RGS6: variants seen among roughly 807,000 people sequenced by gnomAD.
The protein encoded by RGS6 is regulator of G protein signaling 6, also known as regulator of G-protein signaling 6.
Under a neutral mutation model 78.5 loss-of-function variants are expected in RGS6, and 30 were observed. That is an observed-to-expected ratio of 0.38 (90% CI 0.29 to 0.52). RGS6 has a LOEUF of 0.52. Among genes scored for constraint, RGS6 ranks in the 20% least tolerant of loss-of-function variants. RGS6 has a pLI of 0.85. For synonymous variants in RGS6, 206 were observed against 206.0 expected, an observed-to-expected ratio of 1.00 and a Z score of 0.00; for missense variants, 495 against 609.7, an observed-to-expected ratio of 0.81 and a Z score of 1.98.
At position 72,235,011 on chromosome 14, in the gene RGS6, A is replaced by T. The variant is rs143691724; in HGVS notation, c.85-117084A>T. On this transcript the variant is annotated intron_variant, in intron 2 of 17. Coordinates refer to ENST00000553525, the MANE Select transcript of RGS6 (RefSeq NM_001204424.2). The stretch of plus-strand genomic sequence containing the variant: ...CTCGTTTTACAATTGAGTCAACTAG[A>T]TGGCATGGCTTTTTTTCCTAGCTCC... Among the ~76,000 whole-genome samples, 567 of 152,274 alleles carry T rather than the reference A, an allele frequency of 3.7e-3. 5 individuals carry two copies. The highest frequency in any genetic ancestry group is 0.013 in the African/African-American group (537 of 41,554).
At chr14:72,314,588 T>G (rs1438467696) in intron 2 of RGS6, among the ~76,000 whole-genome samples, 4 of 152,162 alleles carry the variant, frequency 2.6e-5, no homozygotes, top group Non-Finnish European at 4.4e-5. Flanking sequence ...GTATATACTT[T>G]ATAGTGACAA....
At chr14:72,295,270 G>A (rs1293730883) in intron 2 of RGS6, among the ~76,000 whole-genome samples, 5 of 146,134 alleles carry the variant, frequency 3.4e-5, no homozygotes, top group African/African-American at 7.7e-5. Flanking sequence ...CAGCCTGGGC[G>A]ACAGAGCGAG....
chr14:71,882,160 C>T, the RGS6 span, among the ~76,000 whole-genome samples: 1 of 152,150 alleles, frequency 6.6e-6, no homozygotes, highest in African/African-American at 2.4e-5. Flanking sequence ...ATGAATTCAC[C>T]TATTCTAGCT....
At chr14:72,403,059 A>G (rs372686584) in intron 3 of RGS6, among the ~76,000 whole-genome samples, 39 of 152,106 alleles carry the variant, frequency 2.6e-4, no homozygotes, top group African/African-American at 8.9e-4. Context: ...CCAAAGTGCT[A>G]GGATTACAGA....
At chr14:72,118,145 C>T (rs1015969679) in intron 2 of RGS6, among the ~76,000 whole-genome samples, 5 of 151,174 alleles carry the variant, frequency 3.3e-5, no homozygotes, top group African/African-American at 1.2e-4. Context: ...TGGGCCCCAC[C>T]CTCACTGCCA....
chr14:72,193,541 G>A (rs2039255683), intron 2 of RGS6, among the ~76,000 whole-genome samples: 1 of 152,052 alleles, frequency 6.6e-6, no homozygotes, highest in Admixed American at 6.5e-5. Context: ...ACAGCTCACA[G>A]ATCCCTGCCC....
chr14:72,622,832 C>G, the RGS6 span, among the ~76,000 whole-genome samples: 4 of 152,092 alleles, frequency 2.6e-5, no homozygotes, highest in Non-Finnish European at 5.9e-5. Context: ...GAGAGGAATC[C>G]TAGTGCCCCA....
At chr14:72,480,194 T>A (rs1250602105) in intron 12 of RGS6, among the ~76,000 whole-genome samples, 1 of 152,190 alleles carries the variant, frequency 6.6e-6, no homozygotes, top group Non-Finnish European at 1.5e-5. Context: ...GGTGAAGCCA[T>A]TGCCTGCTAC....
intron 2 of RGS6, among the ~76,000 whole-genome samples, chr14:71,987,865 GAATA>G (rs1180138156): frequency 1.3e-5 from 2 of 152,108 alleles, no homozygotes; most frequent in African/African-American, 4.8e-5. Flanking sequence ...ACAATACAGT[GAATA>G]AATAACCTTC....
At chr14:72,576,328 C>A in the RGS6 span, among the ~76,000 whole-genome samples, 1 of 152,154 alleles carries the variant, frequency 6.6e-6, no homozygotes, top group Non-Finnish European at 1.5e-5. Flanking sequence ...GTATTTTTCT[C>A]CTCCCAAAAA....
intron 2 of RGS6, among the ~76,000 whole-genome samples, chr14:72,291,206 T>G (rs867574333): frequency 2.8e-4 from 42 of 152,096 alleles, no homozygotes; most frequent in Middle Eastern, 6.8e-3. Context: ...TGCGTCCGTC[T>G]CCATCCCCAT....
chr14:72,536,183 C>A lies in RGS6; in HGVS notation c.1279-3C>A. ...TGTGTCTCCTTGTCACCTTCCTCCC[C>A]AGGAGCACATCTACAAGCTGATGAA... On this transcript the variant is annotated splice_region_variant and splice_polypyrimidine_tract_variant and intron_variant, in intron 15 of 17. Coordinates refer to ENST00000553525, the MANE Select transcript of RGS6 (RefSeq NM_001204424.2). 1 of 1,611,874 alleles carries A rather than the reference C, an allele frequency of 6.2e-7. No homozygotes were observed. The highest frequency in any genetic ancestry group is 1.1e-5 in the South Asian group (1 of 91,004).
At chr14:71,938,126 C>T (rs2089858115) in intron 1 of RGS6, among the ~76,000 whole-genome samples, 2 of 152,214 alleles carry the variant, frequency 1.3e-5, no homozygotes, top group South Asian at 4.1e-4. Flanking sequence ...GATTATTAAA[C>T]TCCTCCTCTG....
chr14:71,922,886 C>CAAAAA, the RGS6 span, among the ~76,000 whole-genome samples: 1 of 149,054 alleles, frequency 6.7e-6, no homozygotes, highest in East Asian at 1.9e-4. Context: ...CAAAACAAAA[C>CAAAAA]AAAAAAAGGA....
intron 3 of RGS6, among the ~76,000 whole-genome samples, chr14:72,417,428 T>G (rs1160096824): frequency 6.6e-6 from 1 of 152,000 alleles, no homozygotes. Context: ...GGAAAGGGGG[T>G]TTGGCATTAT....
At chr14:72,629,773 G>T in the RGS6 span, 1 of 1,457,346 alleles carries the variant, frequency 6.9e-7, no homozygotes, top group Non-Finnish European at 9.3e-7. Flanking sequence ...TAGGGCCAAA[G>T]TATGAACTGC....
intron 2 of RGS6, among the ~76,000 whole-genome samples, chr14:72,148,057 G>A (rs1036526158): frequency 2.0e-5 from 3 of 150,742 alleles, no homozygotes; most frequent in Non-Finnish European, 4.4e-5. Flanking sequence ...CATGAACCTG[G>A]GAGGCAGAGC....
chr14:72,074,868 C>G (rs888194570), intron 2 of RGS6, among the ~76,000 whole-genome samples: 1 of 152,132 alleles, frequency 6.6e-6, no homozygotes, highest in Non-Finnish European at 1.5e-5. Context: ...TTCAGAGAAA[C>G]TTTATTCTCA....
intron 2 of RGS6, among the ~76,000 whole-genome samples, chr14:72,190,746 G>A (rs1239814851): frequency 6.6e-6 from 1 of 152,228 alleles, no homozygotes; most frequent in Non-Finnish European, 1.5e-5. Context: ...TACTGTTGGT[G>A]TGGTCCTAGC....
Sources: allele counts gnomAD v4.1 joint callset (sites outside exome capture counted in the v4.1 genomes callset), GRCh38; gene constraint gnomAD v4.1.1; transcripts MANE v1.5; gene names NCBI Gene and HGNC (gene_info 2026-07-23, HGNC 2026-07-21).